LEMD1: variants seen among roughly 807,000 people sequenced by gnomAD.
LEMD1 encodes the protein LEM domain containing 1.
Under a neutral mutation model 17.4 loss-of-function variants are expected in LEMD1, and 18 were observed. The observed-to-expected ratio is 1.04, with a 90% confidence interval of 0.72 to 1.54. The LOEUF (loss-of-function observed/expected upper bound fraction) is 1.54, where lower values mean the gene tolerates loss of function less well. Among genes scored for constraint, LEMD1 ranks in the 40% most tolerant of loss-of-function variants. LEMD1 has a pLI of 0.00. For synonymous variants in LEMD1, 88 were observed against 77.8 expected, an observed-to-expected ratio of 1.13 and a Z score of -0.69; for missense variants, 195 against 210.4, an observed-to-expected ratio of 0.93 and a Z score of 0.45.
In LEMD1 at chr1:205,448,081, C is replaced by T. The variant is rs183601360; in HGVS notation, c.-39+1787G>A. Reference sequence around the variant, plus strand: ...CACCCTGAAGGTCTCCTTCCTTCCTCAGAGGGAATCTCCCTCTGGAATCAC... The same window carrying T: ...CACCCTGAAGGTCTCCTTCCTTCCTTAGAGGGAATCTCCCTCTGGAATCAC... On this transcript the variant is annotated intron_variant, in intron 1 of 3. Coordinates refer to the LEMD1 transcript ENST00000367154. This position sits in a 1 kb window ranked among gnomAD's most constrained non-coding sequence, Gnocchi z 4.7. Among the ~76,000 whole-genome samples the T allele has an allele frequency of 5.4e-3, 827 of 152,296 alleles. 4 individuals carry two copies. The highest frequency in any genetic ancestry group is 0.019 in the African/African-American group (786 of 41,560).
chr1:205,383,979 C>T (rs1211803741), intron 5 of LEMD1, among the ~76,000 whole-genome samples: 1 of 151,164 alleles, frequency 6.6e-6, no homozygotes, highest in East Asian at 1.9e-4. Flanking sequence ...CTCTTGCCCA[C>T]CTTCCAAGGC....
In LEMD1 at chr1:205,441,430, C is replaced by A. The variant is rs1247994278; in HGVS notation, c.-39+8438G>T. ...CAGGAAGCAAGCTGGCTTAAAATAG[C>A]CTCCGGCTTGTGCCACCTTACACCA... On this transcript the variant is annotated intron_variant, in intron 1 of 3. Coordinates refer to the LEMD1 transcript ENST00000367154. This position sits in a 1 kb window ranked among gnomAD's most constrained non-coding sequence, Gnocchi z 4.3. Among the ~76,000 whole-genome samples, 4 of 152,162 alleles carry A rather than the reference C, an allele frequency of 2.6e-5. No homozygotes were observed. Among genetic ancestry groups the A allele is most frequent in the African/African-American group, 9.7e-5 (4 of 41,434 alleles).
rs1275976315 is a variant in LEMD1 at position 205,399,745 on chromosome 1, G to T, written c.271-15381C>A. On this transcript the variant is annotated intron_variant, in intron 4 of 5. Transcript: ENST00000367153. ...TGAGTATGAAAATAGTGATGTCAGT[G>T]GATACAACCCATTGGATGAAAAGAA... Among the ~76,000 whole-genome samples, 4 of 152,180 alleles carry T rather than the reference G, an allele frequency of 2.6e-5. No individual in the cohort carries two copies. The East Asian group carries it at 7.7e-4, about 29-fold the overall frequency.
At chr1:205,426,016 G>C (rs887011475), upstream of LEMD1, among the ~76,000 whole-genome samples, 2 of 152,166 alleles carry the variant, frequency 1.3e-5, no homozygotes, top group Non-Finnish European at 2.9e-5. Context: ...CTCCACTCCA[G>C]GGGAGCCAGA....
chr1:205,397,834 TGA>T (rs1664662562), intron 4 of LEMD1, among the ~76,000 whole-genome samples: 1 of 152,206 alleles, frequency 6.6e-6, no homozygotes, highest in South Asian at 2.1e-4. Context: ...AAAAGAAAGC[TGA>T]GTTTTCTAAA....
At chr1:205,398,372 C>T (rs1664686555) in intron 4 of LEMD1, among the ~76,000 whole-genome samples, 1 of 152,182 alleles carries the variant, frequency 6.6e-6, no homozygotes, top group African/African-American at 2.4e-5. Context: ...TCCCATGATA[C>T]ACTAGGCCTG....
At position 205,448,480 on chromosome 1, in the gene LEMD1, C is replaced by T; in HGVS notation, c.-39+1388G>A. On this transcript the variant is annotated intron_variant, in intron 1 of 3. Coordinates refer to the LEMD1 transcript ENST00000367154. The surrounding 1 kb of genome is among the most constrained non-coding windows in gnomAD (Gnocchi z 4.7). ...GCCCTCACTCCCCTTCTCAGCACCCCCGACCCCAGACCCACCCACACTGCC... is the reference window on the plus strand; with the variant it reads ...GCCCTCACTCCCCTTCTCAGCACCCTCGACCCCAGACCCACCCACACTGCC... 4.0e-6 allele frequency: 2 copies of T among 496,680 alleles called. No individual in the cohort carries two copies. Among genetic ancestry groups the T allele is most frequent in the South Asian group, 2.9e-5 (2 of 68,008 alleles). The allele number at this position is 496,680 out of a possible 1,614,324, so 30.8% of individuals were successfully genotyped here. A position where few individuals can be genotyped will look rare whatever the true frequency, so the allele number is the denominator to read the frequency against.
At chr1:205,440,564 T>C (rs975271955) in intron 1 of LEMD1, 1 of 152,400 alleles carries the variant, frequency 6.6e-6, no homozygotes, top group Admixed American at 6.5e-5. Context: ...ACATGCCTCA[T>C]GCGGTTACCC....
chr1:205,409,843 GC>G (rs1665305039), intron 4 of LEMD1, among the ~76,000 whole-genome samples: 1 of 151,774 alleles, frequency 6.6e-6, no homozygotes, highest in Non-Finnish European at 1.5e-5. Flanking sequence ...CACTATCTCA[GC>G]TCACTGCAAC....
intron 5 of LEMD1, 90 bp from the exon 6 acceptor site, chr1:205,381,946 G>A (rs1663721964): frequency 4.0e-6 from 5 of 1,247,514 alleles, no homozygotes; most frequent in African/African-American, 3.0e-5. Flanking sequence ...AAGCCCAAGG[G>A]TGCAGTCATG....
intron 1 of LEMD1, among the ~76,000 whole-genome samples, chr1:205,431,508 C>T (rs1165476095): frequency 6.6e-6 from 1 of 152,182 alleles, no homozygotes; most frequent in Non-Finnish European, 1.5e-5. Flanking sequence ...GATTGAGTGA[C>T]TTCTCTAGGC....
chr1:205,418,142 GCTTCTA>G (rs1244301814), intron 3 of LEMD1, among the ~76,000 whole-genome samples: 1 of 152,182 alleles, frequency 6.6e-6, no homozygotes, highest in African/African-American at 2.4e-5. Context: ...GCCTCTCTGA[GCTTCTA>G]CTAAGTGCTG....
intron 4 of LEMD1, among the ~76,000 whole-genome samples, chr1:205,392,597 A>C (rs1217805962): frequency 6.6e-6 from 1 of 152,110 alleles, no homozygotes; most frequent in Non-Finnish European, 1.5e-5. Context: ...ACTCAATGGC[A>C]GAATAGAGAA....
At chr1:205,391,589 C>A (rs1311092582) in intron 4 of LEMD1, among the ~76,000 whole-genome samples, 2 of 152,212 alleles carry the variant, frequency 1.3e-5, no homozygotes, top group Non-Finnish European at 2.9e-5. Flanking sequence ...CTTTCACCTC[C>A]ATGTGGCAAA....
chr1:205,410,035 C>T (rs981232651), intron 4 of LEMD1, among the ~76,000 whole-genome samples: 13 of 152,156 alleles, frequency 8.5e-5, no homozygotes, highest in Non-Finnish European at 1.5e-4. Flanking sequence ...CTCGGCCTCC[C>T]AAAGTGCTGG....
At chr1:205,417,787 A>G (rs755479153) in intron 3 of LEMD1, among the ~76,000 whole-genome samples, 35 of 151,594 alleles carry the variant, frequency 2.3e-4, no homozygotes, top group South Asian at 4.2e-4. Flanking sequence ...CCAGTTTTTA[A>G]TTTGAACTAT....
chr1:205,382,581 T>C (rs564523894), intron 5 of LEMD1, among the ~76,000 whole-genome samples: 1 of 152,202 alleles, frequency 6.6e-6, no homozygotes, highest in Admixed American at 6.5e-5. Flanking sequence ...CAACAAGTGA[T>C]ACTAACAGCG....
chr1:205,384,741 A>C (rs1663905790), intron 4 of LEMD1, among the ~76,000 whole-genome samples: 1 of 152,212 alleles, frequency 6.6e-6, no homozygotes, highest in African/African-American at 2.4e-5. Flanking sequence ...AATTTTAACA[A>C]AGCAAGTTGA....
chr1:205,402,789 G>A (rs1664911643), intron 4 of LEMD1, among the ~76,000 whole-genome samples: 2 of 149,386 alleles, frequency 1.3e-5, no homozygotes, highest in African/African-American at 2.5e-5. Flanking sequence ...AGTTTTCAAA[G>A]GGAATGCTTC....
Sources: gnomAD v4.1 joint callset for allele counts (sites outside exome capture counted in the v4.1 genomes callset) on GRCh38, gnomAD v4.1.1 for gene constraint, Gnocchi (gnomAD v3.1) non-coding constraint, MANE v1.5 for transcripts, NCBI Gene and HGNC (gene_info 2026-07-23, HGNC 2026-07-21) for gene names.